The following CSMD3 variants were observed in gnomAD, a reference collection of about 807,000 sequenced individuals.
CSMD3 encodes the protein CUB and Sushi multiple domains 3, also known as CUB and sushi domain-containing protein 3.
A neutral mutation model predicts 435.2 loss-of-function variants in CSMD3; 177 were observed. The observed-to-expected ratio is 0.41, with a 90% CI of 0.36 to 0.46. The LOEUF (loss-of-function observed/expected upper bound fraction) is 0.46, where lower values mean the gene tolerates loss of function less well. Ranked by LOEUF, CSMD3 falls within the 20% of genes least tolerant of loss-of-function variation. The pLI, the probability that CSMD3 is intolerant of heterozygous loss-of-function variation, is 0.34. For missense variants in CSMD3, 4,265 were observed against 4,504.6 expected (o/e 0.95, Z 1.52); for synonymous variants, 1,656 against 1,520.5 (o/e 1.09, Z -2.07).
chr8:113,401,182 G>A (rs16884604), intron 1 of CSMD3, among the ~76,000 whole-genome samples: 38,243 of 151,480 alleles, frequency 0.25, 5,560 homozygotes, highest in East Asian at 0.46. Flanking sequence ...TTTGGATGGA[G>A]CATTGAAATA....
chr8:112,565,817 T>A (rs1227479574), intron 24 of CSMD3, among the ~76,000 whole-genome samples: 2 of 152,028 alleles, frequency 1.3e-5, no homozygotes, highest in Non-Finnish European at 2.9e-5. Flanking sequence ...TTTTACAAAA[T>A]AAAAGTAGTA....
chr8:113,271,459 G>T (rs917198767), intron 3 of CSMD3, among the ~76,000 whole-genome samples: 1 of 152,076 alleles, frequency 6.6e-6, no homozygotes, highest in Non-Finnish European at 1.5e-5. Context: ...TGCTAAAAGG[G>T]GCCAAGGTAC....
At chr8:112,405,504 C>G (rs58278726) in intron 35 of CSMD3, among the ~76,000 whole-genome samples, 28,380 of 150,832 alleles carry the variant, frequency 0.19, 3,221 homozygotes, top group Middle Eastern at 0.37. Flanking sequence ...ATTATAATTA[C>G]CCTGAAATAC....
At chr8:112,741,779 T>G (rs879412132) in intron 13 of CSMD3, among the ~76,000 whole-genome samples, 4 of 130,788 alleles carry the variant, frequency 3.1e-5, no homozygotes, top group South Asian at 2.5e-4. Context: ...AGATGATAGA[T>G]AGATAGATAG....
chr8:113,241,680 A>C (rs2093219448), intron 3 of CSMD3, among the ~76,000 whole-genome samples: 1 of 152,008 alleles, frequency 6.6e-6, no homozygotes, highest in Non-Finnish European at 1.5e-5. Flanking sequence ...TTTTCAGAAA[A>C]GAAAACACTT....
chr8:112,263,447 C>A (rs568878122), intron 61 of CSMD3, among the ~76,000 whole-genome samples, 192 bp downstream of exon 61: 2 of 151,908 alleles, frequency 1.3e-5, no homozygotes, highest in African/African-American at 4.8e-5. Flanking sequence ...AAACTAAAAC[C>A]GTTTAGTGTA....
chr8:112,559,521 T>C (rs1828426860), intron 24 of CSMD3, among the ~76,000 whole-genome samples: 3 of 151,808 alleles, frequency 2.0e-5, no homozygotes, highest in African/African-American at 7.2e-5. Flanking sequence ...GAGTAAGGAC[T>C]AGGTGAAAGG....
intron 10 of CSMD3, among the ~76,000 whole-genome samples, chr8:112,873,709 T>C (rs1460844437): frequency 6.6e-6 from 1 of 152,140 alleles, no homozygotes; most frequent in African/African-American, 2.4e-5. Context: ...TAGAGGATTT[T>C]ATAGTATTCT....
intron 54 of CSMD3, among the ~76,000 whole-genome samples, chr8:112,295,028 T>A (rs1256935021): frequency 6.6e-6 from 1 of 152,132 alleles, no homozygotes; most frequent in Non-Finnish European, 1.5e-5. Context: ...GTACCCAATG[T>A]GTAATCTCTC....
chr8:112,656,984 C>T (rs550561847), intron 17 of CSMD3, among the ~76,000 whole-genome samples: 5 of 151,760 alleles, frequency 3.3e-5, no homozygotes, highest in African/African-American at 1.2e-4. Flanking sequence ...CCCATTAACC[C>T]TATGGTGTAG....
At chr8:113,089,812 C>T (rs2089939477) in intron 5 of CSMD3, among the ~76,000 whole-genome samples, 1 of 152,032 alleles carries the variant, frequency 6.6e-6, no homozygotes, top group Non-Finnish European at 1.5e-5. Flanking sequence ...AATTCCATAT[C>T]ATCTTATAAG....
At chr8:113,343,925 TATAA>T (rs1382024694) in intron 1 of CSMD3, among the ~76,000 whole-genome samples, 3 of 152,070 alleles carry the variant, frequency 2.0e-5, no homozygotes. Context: ...CAAACAGAAA[TATAA>T]ATAATTAGTT....
rs2075925181 is a variant in CSMD3, at chr8:112,682,617, G to A, written c.2502C>T (p.Cys834=). The change falls in exon 16 of 71, where the codon TGC becomes TGT. Residue 834 remains cysteine, a synonymous_variant. Coordinates refer to ENST00000297405, the MANE Select transcript of CSMD3 (RefSeq NM_198123.2). ...CATTGATTGGTATTCCAGGATCAGGGCATTCATTATGTCCAAATGCTTTAG... is the reference window on the plus strand; with the variant it reads ...CATTGATTGGTATTCCAGGATCAGGACATTCATTATGTCCAAATGCTTTAG... ...ITYNTFGHNE[C]PDPGIPINAR... The A allele has an allele frequency of 6.2e-7, 1 of 1,611,864 alleles. No individual in the cohort carries two copies. The highest frequency in any genetic ancestry group is 1.1e-5 in the South Asian group (1 of 91,052).
At chr8:112,548,849 C>A (rs992656401) in intron 27 of CSMD3, among the ~76,000 whole-genome samples, 1 of 152,078 alleles carries the variant, frequency 6.6e-6, no homozygotes, top group African/African-American at 2.4e-5. Flanking sequence ...GATCAAATTT[C>A]TATTCATCTT....
At chr8:113,276,569 G>A (rs567713675) in intron 3 of CSMD3, among the ~76,000 whole-genome samples, 24 of 152,090 alleles carry the variant, frequency 1.6e-4, no homozygotes, top group African/African-American at 5.8e-4. Context: ...ATCAGAATAC[G>A]CCAGAAAGTA....
chr8:113,297,881 A>G (rs2132564978), intron 2 of CSMD3, among the ~76,000 whole-genome samples: 1 of 152,254 alleles, frequency 6.6e-6, no homozygotes, highest in East Asian at 1.9e-4. Flanking sequence ...AGTTATTCCG[A>G]AATCTTGTAG....
At chr8:113,260,020 A>G (rs961657505) in intron 3 of CSMD3, among the ~76,000 whole-genome samples, 1 of 152,102 alleles carries the variant, frequency 6.6e-6, no homozygotes, top group Non-Finnish European at 1.5e-5. Context: ...TCCTTTACTC[A>G]GCCCTCATTC....
At chr8:112,616,215 A>G (rs187944681) in intron 22 of CSMD3, among the ~76,000 whole-genome samples, 2 of 152,042 alleles carry the variant, frequency 1.3e-5, no homozygotes, top group East Asian at 3.9e-4. Flanking sequence ...TAAATAAGTT[A>G]GCATGCATAA....
intron 1 of CSMD3, among the ~76,000 whole-genome samples, chr8:113,385,430 A>C (rs2094435238): frequency 6.6e-6 from 1 of 152,172 alleles, no homozygotes; most frequent in Admixed American, 6.6e-5. Flanking sequence ...ATTATGATGT[A>C]ATGTGTCAAA....
Sources: gnomAD v4.1 joint callset for allele counts (sites outside exome capture counted in the v4.1 genomes callset) on GRCh38, gnomAD v4.1.1 for gene constraint, MANE v1.5 for transcripts, NCBI Gene and HGNC (gene_info 2026-07-23, HGNC 2026-07-21) for gene names.